The following NQO1 variants were observed in gnomAD, a reference collection of about 807,000 sequenced individuals.
NQO1 encodes the protein NAD(P)H dehydrogenase [quinone] 1.
In NQO1, 30 loss-of-function variants were observed where a neutral mutation model predicts 32.1. The ratio of observed to expected loss-of-function variants is 0.94; its 90% CI spans 0.70 to 1.27. NQO1 has a LOEUF of 1.27. NQO1 is among the 50% of genes most tolerant of loss of function. NQO1 has a pLI of 0.00. For synonymous variants in NQO1, 109 were observed against 119.7 expected, an observed-to-expected ratio of 0.91 and a Z score of 0.59; for missense variants, 276 against 331.3, an observed-to-expected ratio of 0.83 and a Z score of 1.30.
At chr16:69,718,678 G>C (rs1183974022) in intron 1 of NQO1, 144 bp from the exon 2 acceptor site, 1 of 730,718 alleles carries the variant, frequency 1.4e-6, no homozygotes, top group African/African-American at 1.8e-5. Flanking sequence ...AGCCAGAAAT[G>C]TATTTTCCCC....
Position 69,715,706 on chromosome 16 carries a change from T to A in NQO1, c.304-629A>T, listed in dbSNP as rs144498857. Among the ~76,000 whole-genome samples the A allele has an allele frequency of 9.0e-3, 1,375 of 152,286 alleles. 19 individuals carry two copies. Among genetic ancestry groups the A allele is most frequent in the African/African-American group, 0.032 (1,318 of 41,552 alleles). On this transcript the variant is annotated intron_variant, in intron 3 of 5. Transcript: ENST00000320623. ...TCACTTGAACCCGGGAGGTGGAGGT[T>A]ACAGTGAGCCGAGATCGTGCCACTG... is the stretch of plus-strand genomic sequence containing the variant.
intron 1 of NQO1, among the ~76,000 whole-genome samples, chr16:69,726,050 T>C (rs973027580): frequency 1.3e-5 from 2 of 152,212 alleles, no homozygotes; most frequent in Non-Finnish European, 2.9e-5. Context: ...ATCACCCATT[T>C]TAATGTTAGC....
chr16:69,724,846 G>A (rs892642019), intron 1 of NQO1, among the ~76,000 whole-genome samples: 10 of 152,186 alleles, frequency 6.6e-5, no homozygotes, highest in African/African-American at 2.4e-4. Context: ...AAACCTGGAT[G>A]CTTTAGTTAA....
chr16:69,724,143 G>A (rs112475318), intron 1 of NQO1, among the ~76,000 whole-genome samples: 5 of 151,924 alleles, frequency 3.3e-5, no homozygotes, highest in South Asian at 2.1e-4. Flanking sequence ...GTGAAACCCC[G>A]TCTCTACTAA....
intron 3 of NQO1, among the ~76,000 whole-genome samples, chr16:69,717,519 GA>G (rs2038130321): frequency 6.6e-6 from 1 of 151,902 alleles, no homozygotes; most frequent in African/African-American, 2.4e-5. Flanking sequence ...CTAACTGAAG[GA>G]ATCGCTAACT....
chr16:69,710,733 T>A lies in NQO1; in HGVS notation c.*243A>T. 2.2e-6 allele frequency: 1 copy of A among 463,222 alleles called. No homozygotes were observed. The allele number at this position is 463,222 out of a possible 1,614,324, so 28.7% of individuals were successfully genotyped here. A position where few individuals can be genotyped will look rare whatever the true frequency, so the allele number is the denominator to read the frequency against. On this transcript the variant is annotated 3_prime_UTR_variant, in exon 6 of 6. Coordinates refer to ENST00000320623, the MANE Select transcript of NQO1 (RefSeq NM_000903.3). ...GCCTTTAAAGAACATTTTTCTAGCA[T>A]CTTTCTACATCTTTCCCTAAGTGGC...
intron 1 of NQO1, among the ~76,000 whole-genome samples, chr16:69,719,320 G>C (rs2038159973): frequency 6.6e-6 from 1 of 152,170 alleles, no homozygotes; most frequent in Non-Finnish European, 1.5e-5. Flanking sequence ...TCTCCAATTT[G>C]GGGGAATCTG....
At chr16:69,721,625 G>A (rs1428981226) in intron 1 of NQO1, among the ~76,000 whole-genome samples, 1 of 152,120 alleles carries the variant, frequency 6.6e-6, no homozygotes, top group East Asian at 1.9e-4. Context: ...TTACAGATGA[G>A]AAAACTGAGG....
chr16:69,714,307 A>G (rs1245730529), intron 4 of NQO1, among the ~76,000 whole-genome samples: 1 of 150,366 alleles, frequency 6.7e-6, no homozygotes, highest in Non-Finnish European at 1.5e-5. Context: ...AGTAGCTGGG[A>G]TTGTAGATGC....
rs1647438536 is a variant in NQO1, at chr16:69,711,011, T to C, written c.790A>G (p.Ile264Val). Residue 264 changes from isoleucine (I) to valine (V), a missense_variant, in exon 6 of 6, where the codon ATC becomes GTC. Physicochemically the swap from Ile to Val is conservative, Grantham distance 29. Coordinates refer to ENST00000320623, the MANE Select transcript of NQO1 (RefSeq NM_000903.3). ...LSVGHHLGKS[I>V]PTDNQIKARK is the part of the protein sequence containing the mutation. ...GCTTTGATCTGGTTGTCAGTTGGGA[T>C]GGACTTGCCCAAGTGATGGCCCACA... 6.2e-7 allele frequency: 1 copy of C among 1,614,054 alleles called. No homozygotes were observed.
chr16:69,711,390 C>A, intron 5 of NQO1, 109 bp from the exon 6 acceptor site: 1 of 854,364 alleles, frequency 1.2e-6, no homozygotes. Context: ...GATAAGGAGG[C>A]CTCAGGCACA....
At chr16:69,721,108 C>T (rs555349099) in intron 1 of NQO1, among the ~76,000 whole-genome samples, 2 of 150,632 alleles carry the variant, frequency 1.3e-5, no homozygotes, top group African/African-American at 2.4e-5. Flanking sequence ...AATTTGGAGC[C>T]GTGTTGCCCA....
At chr16:69,722,562 C>G (rs867391761) in intron 1 of NQO1, among the ~76,000 whole-genome samples, 8 of 152,218 alleles carry the variant, frequency 5.3e-5, no homozygotes, top group African/African-American at 1.9e-4. Context: ...TTATTATTGA[C>G]CACATCTAGC....
At position 69,713,871 on chromosome 16, in the gene NQO1, A is replaced by AT. The variant is rs924191926; in HGVS notation, c.418-743dup. Among the ~76,000 whole-genome samples, 23 of 135,438 alleles carry AT rather than the reference A, an allele frequency of 1.7e-4. 1 individual carries two copies. The highest frequency in any genetic ancestry group is 4.9e-4 in the East Asian group (2 of 4,056). The allele number at this position is 135,438 out of a possible 152,430, so 88.9% of individuals were successfully genotyped here. ...AGGTGCCCACCACCACATCCGGCTAATTTTTTTTTTGTTTTTGTTTTTGAT... is the reference window on the plus strand; with the variant it reads ...AGGTGCCCACCACCACATCCGGCTAATTTTTTTTTTTGTTTTTGTTTTTGAT... On this transcript the variant is annotated intron_variant, in intron 4 of 5. Coordinates refer to ENST00000320623, the MANE Select transcript of NQO1 (RefSeq NM_000903.3).
rs998497346 is a variant in NQO1, at chr16:69,718,064, A to T, written c.303+59T>A. The stretch of plus-strand genomic sequence containing the variant: ...TAAGATCTCATAGCTAATTAGGTAC[A>T]TGTCTAGGACAATAAGCACGCAAAT... On this transcript the variant is annotated intron_variant, in intron 3 of 5. Coordinates refer to ENST00000320623, the MANE Select transcript of NQO1 (RefSeq NM_000903.3). The T allele has an allele frequency of 1.3e-5, 21 of 1,598,260 alleles. No individual in the cohort carries two copies. In the African/African-American group the frequency reaches 1.9e-4, roughly 14 times the overall value.
chr16:69,719,509 T>C (rs2965752), intron 1 of NQO1, among the ~76,000 whole-genome samples: 131,770 of 152,156 alleles, frequency 0.87, 57,273 homozygotes, highest in Admixed American at 0.92. Context: ...GGCACGGTGG[T>C]TCGAGCCTGT....
rs1439106583 is a variant in NQO1, at chr16:69,709,992, G to A, written c.*984C>T. 2.6e-6 allele frequency: 1 copy of A among 388,010 alleles called. No homozygotes were observed. The highest frequency in any genetic ancestry group is 4.5e-6 in the Non-Finnish European group (1 of 219,964). 24.0% of individuals were successfully genotyped at this position (388,010 alleles called of 1,614,324 possible). A position where few individuals can be genotyped will look rare whatever the true frequency, so the allele number is the denominator to read the frequency against. The stretch of plus-strand genomic sequence containing the variant: ...TTTCCTTTCTTGAATTCATATTGCA[G>A]ATGTACGGTGTGGATTTATTGGTTT... On this transcript the variant is annotated 3_prime_UTR_variant, in exon 6 of 6. Transcript: ENST00000320623.
chr16:69,718,149 C>T lies in NQO1; in HGVS notation c.277G>A (p.Glu93Lys), dbSNP rs767125980. 8.7e-6 allele frequency: 14 copies of T among 1,614,038 alleles called. No homozygotes were observed. The Admixed American group carries it at 2.3e-4, about 27-fold the overall frequency. ...TGGAATATCACAAGGTCTGCGGCTT[C>T]CAGCTTCTTTTGTTCAGCCACAATA... is the stretch of plus-strand genomic sequence containing the variant. ...PDIVAEQKKL[E>K]AADLVIFQFP... The change falls in exon 3 of 6, where the codon GAA becomes AAA. Residue 93 changes from glutamate (E) to lysine (K), a missense_variant. Transcript: ENST00000320623.
Position 69,711,186 on chromosome 16 carries a change from C to T in NQO1, c.615G>A (p.Leu205=), listed in dbSNP as rs1159991523. 6.2e-7 allele frequency: 1 copy of T among 1,614,164 alleles called. No individual in the cohort carries two copies. The highest frequency in any genetic ancestry group is 1.1e-5 in the South Asian group (1 of 91,088). The part of the protein sequence containing the change: ...HTPADARIQI[L]EGWKKRLENI... ...TCTCCAGGCGTTTCTTCCATCCTTC[C>T]AGGATTTGAATTCGGGCGTCTGCTG... The change falls in exon 6 of 6, where the codon CTG becomes CTA. Residue 205 remains leucine (L), a synonymous_variant. Coordinates refer to ENST00000320623, the MANE Select transcript of NQO1 (RefSeq NM_000903.3).
Sources: gnomAD v4.1 joint callset for allele counts (sites outside exome capture counted in the v4.1 genomes callset) on GRCh38, gnomAD v4.1.1 for gene constraint, MANE v1.5 for transcripts, NCBI Gene and HGNC (gene_info 2026-07-23, HGNC 2026-07-21) for gene names.